CCSER1: variants seen among roughly 807,000 people sequenced by gnomAD.
The protein encoded by CCSER1 is serine-rich coiled-coil domain-containing protein 1.
CCSER1 carries 41 observed loss-of-function variants against 82.0 expected under a neutral mutation model. The observed-to-expected ratio is 0.50, with a 90% CI of 0.39 to 0.65. The LOEUF (loss-of-function observed/expected upper bound fraction) is 0.65, where lower values mean the gene tolerates loss of function less well. Among genes scored for constraint, CCSER1 ranks in the 30% least tolerant of loss-of-function variants. CCSER1 has a pLI of 0.00. For missense variants in CCSER1, 1,119 were observed against 1,064.2 expected (o/e 1.05, Z -0.72); for synonymous variants, 414 against 383.9 (o/e 1.08, Z -0.92).
chr4:90,409,254 C>G (rs1003344915), intron 4 of CCSER1, among the ~76,000 whole-genome samples: 4 of 152,164 alleles, frequency 2.6e-5, no homozygotes, highest in Admixed American at 1.3e-4. Flanking sequence ...GGCAGGCCAA[C>G]ATTCAAATTC....
At chr4:90,732,024 G>T (rs947890672) in intron 7 of CCSER1, among the ~76,000 whole-genome samples, 2 of 84,086 alleles carry the variant, frequency 2.4e-5, no homozygotes, top group Non-Finnish European at 4.7e-5. Context: ...TACCTATTGG[G>T]ATTTCTCTCT....
chr4:90,800,786 C>A (rs1487577020), intron 7 of CCSER1, among the ~76,000 whole-genome samples: 2 of 152,112 alleles, frequency 1.3e-5, no homozygotes, highest in Non-Finnish European at 2.9e-5. Context: ...TTCTATGACC[C>A]TGGGAAATTT....
intron 7 of CCSER1, among the ~76,000 whole-genome samples, chr4:90,795,400 A>G (rs1755855117): frequency 6.6e-6 from 1 of 151,992 alleles, no homozygotes; most frequent in Non-Finnish European, 1.5e-5. Context: ...TTGGGCTGAG[A>G]TTATGGGGTT....
At chr4:90,861,926 A>ATATATATAT (rs1486179354) in intron 8 of CCSER1, among the ~76,000 whole-genome samples, 114 of 125,650 alleles carry the variant, frequency 9.1e-4, no homozygotes, top group South Asian at 2.0e-3. Flanking sequence ...ATATATATAT[A>ATATATATAT]TTTTTTTTTT....
chr4:91,156,100 A>G lies in CCSER1; in HGVS notation c.2217+70106A>G, dbSNP rs771706362. ...ATAGAGGGGGTAGATACTTGGGGAC[A>G]TAAGTATATAATATTGTTTATGTTG... On this transcript the variant is annotated intron_variant, in intron 10 of 10. Transcript: ENST00000509176. 2.2e-4 allele frequency among the ~76,000 whole-genome samples: 34 copies of G among 151,838 alleles called. 1 individual carries two copies. The highest frequency in any genetic ancestry group is 4.6e-4 in the Admixed American group (7 of 15,242).
At chr4:90,866,181 T>G (rs935750132) in intron 8 of CCSER1, among the ~76,000 whole-genome samples, 2 of 151,894 alleles carry the variant, frequency 1.3e-5, no homozygotes, top group Non-Finnish European at 2.9e-5. Context: ...CACTCCCCCA[T>G]GCTTGTTCCC....
At chr4:90,987,273 TA>T (rs1333496227) in intron 9 of CCSER1, among the ~76,000 whole-genome samples, 1 of 151,256 alleles carries the variant, frequency 6.6e-6, no homozygotes, top group Non-Finnish European at 1.5e-5. Context: ...TTCCCTTTTT[TA>T]TTTACTCTTT....
At chr4:91,552,617 A>AAGAT (rs1762208258) in intron 10 of CCSER1, among the ~76,000 whole-genome samples, 1 of 151,632 alleles carries the variant, frequency 6.6e-6, no homozygotes, top group South Asian at 2.1e-4. Context: ...TATACACTGG[A>AAGAT]AGATGTATAA....
At chr4:90,344,397 A>C (rs192595192) in intron 3 of CCSER1, among the ~76,000 whole-genome samples, 153 of 152,216 alleles carry the variant, frequency 1.0e-3, no homozygotes, top group African/African-American at 3.6e-3. Flanking sequence ...TATACTTCTT[A>C]TCACACTTAC....
Position 90,480,874 on chromosome 4 carries a change from T to C in CCSER1, c.1724+12520T>C, listed in dbSNP as rs532682595. On this transcript the variant is annotated intron_variant, in intron 5 of 10. Coordinates refer to ENST00000509176, the MANE Select transcript of CCSER1 (RefSeq NM_001145065.2). ...GTGGCAATGCGGGCTCTTTTTTGGT[T>C]CCATAGGAACTTTAAAGTAGTTTTT... Among the ~76,000 whole-genome samples the C allele has an allele frequency of 1.8e-4, 28 of 152,272 alleles. No homozygotes were observed. The East Asian group carries it at 3.1e-3, about 17-fold the overall frequency.
intron 6 of CCSER1, among the ~76,000 whole-genome samples, chr4:90,672,745 A>G (rs918216487): frequency 6.6e-6 from 1 of 151,936 alleles, no homozygotes; most frequent in African/African-American, 2.4e-5. Flanking sequence ...AGAAATTGTA[A>G]CTCTTCCTTT....
At chr4:90,992,907 T>C (rs1332662532) in intron 9 of CCSER1, among the ~76,000 whole-genome samples, 2 of 151,996 alleles carry the variant, frequency 1.3e-5, no homozygotes, top group African/African-American at 2.4e-5. Context: ...CATTCTATTA[T>C]TTAGAAGCAA....
intron 8 of CCSER1, among the ~76,000 whole-genome samples, chr4:90,842,028 T>G (rs1368489590): frequency 3.3e-5 from 1 of 29,854 alleles, no homozygotes; most frequent in Non-Finnish European, 1.1e-4. Flanking sequence ...GATTTCTCTG[T>G]TTTTTTTTTC....
At chr4:90,962,486 CA>C (rs1734143946) in intron 9 of CCSER1, among the ~76,000 whole-genome samples, 1 of 152,002 alleles carries the variant, frequency 6.6e-6, no homozygotes, top group Admixed American at 6.6e-5. Flanking sequence ...TTCAATTTGA[CA>C]GTAAAATAAA....
chr4:91,429,402 T>A (rs1435833899), intron 10 of CCSER1, among the ~76,000 whole-genome samples: 2 of 152,150 alleles, frequency 1.3e-5, no homozygotes, highest in Middle Eastern at 3.4e-3. Context: ...ATTAACCTTA[T>A]TTGTTTTTAA....
chr4:90,516,512 A>T (rs1464535152), intron 5 of CCSER1, among the ~76,000 whole-genome samples: 2 of 152,072 alleles, frequency 1.3e-5, no homozygotes, highest in East Asian at 3.9e-4. Flanking sequence ...GAGCCTTATG[A>T]ATCTCTTCAG....
At chr4:90,360,579 CA>C (rs61140876) in intron 3 of CCSER1, among the ~76,000 whole-genome samples, 2,102 of 75,850 alleles carry the variant, frequency 0.028, 25 homozygotes, top group African/African-American at 0.083. Flanking sequence ...GACTCCGTCT[CA>C]AAAAAAAAAA....
chr4:90,440,427 C>T (rs377380847), intron 4 of CCSER1, among the ~76,000 whole-genome samples: 10 of 152,106 alleles, frequency 6.6e-5, no homozygotes, highest in Admixed American at 4.6e-4. Context: ...ACATGAGAAA[C>T]GTATGCCATA....
chr4:91,469,346 GA>G (rs1757134969), intron 10 of CCSER1, among the ~76,000 whole-genome samples: 1 of 152,092 alleles, frequency 6.6e-6, no homozygotes, highest in Admixed American at 6.6e-5. Flanking sequence ...AAAAAGTTCT[GA>G]CTCTAAGAAA....
Sources: gnomAD v4.1 joint callset for allele counts (sites outside exome capture counted in the v4.1 genomes callset) on GRCh38, gnomAD v4.1.1 for gene constraint, MANE v1.5 for transcripts, NCBI Gene and HGNC (gene_info 2026-07-23, HGNC 2026-07-21) for gene names.